DCC: variants seen among roughly 807,000 people sequenced by gnomAD.
DCC encodes the protein netrin receptor DCC.
Under a neutral mutation model 172.5 loss-of-function variants are expected in DCC, and 58 were observed. The observed-to-expected ratio is 0.34, with a 90% CI of 0.27 to 0.42. The LOEUF (loss-of-function observed/expected upper bound fraction) is 0.42. Among genes scored for constraint, DCC ranks in the 10% least tolerant of loss-of-function variants. The pLI is 1.00. For synonymous variants in DCC, 709 were observed against 644.5 expected, an observed-to-expected ratio of 1.10 and a Z score of -1.52; for missense variants, 1,740 against 1,791.0, an observed-to-expected ratio of 0.97 and a Z score of 0.51.
intron 3 of DCC, among the ~76,000 whole-genome samples, chr18:52,921,705 AAATAATAAT>A (rs71175538): frequency 1.6e-4 from 23 of 146,902 alleles, no homozygotes; most frequent in South Asian, 1.1e-3. Context: ...TCAAAAATAA[AAATAATAAT>A]AATAATAATA....
intron 1 of DCC, among the ~76,000 whole-genome samples, chr18:52,681,682 AG>A (rs2035752537): frequency 6.6e-6 from 1 of 152,052 alleles, no homozygotes; most frequent in Admixed American, 6.6e-5. Context: ...CTGGTAGGAG[AG>A]GGGCTTACTG....
chr18:52,351,298 T>C (rs1028782167), intron 1 of DCC, among the ~76,000 whole-genome samples: 2 of 152,218 alleles, frequency 1.3e-5, no homozygotes, highest in African/African-American at 2.4e-5. Context: ...GGATTCTCTC[T>C]CTCCAGTAGT....
rs547430933 is a variant in DCC at position 52,875,025 on chromosome 18, T to C, written c.413-31019T>C. ...TTGGGATGACTAAGGCAGAGGAATA[T>C]TGCCTTCTGGGGTGTTTGGGCCAGA... is the stretch of plus-strand genomic sequence containing the variant. On this transcript the variant is annotated intron_variant, in intron 2 of 28. Transcript: ENST00000442544. Among the ~76,000 whole-genome samples the C allele has an allele frequency of 1.2e-4, 19 of 152,228 alleles. No homozygotes were observed. In the South Asian group the frequency reaches 3.7e-3, roughly 30 times the overall value.
At chr18:53,073,167 AAG>A (rs1157925434) in intron 7 of DCC, among the ~76,000 whole-genome samples, 4 of 152,240 alleles carry the variant, frequency 2.6e-5, no homozygotes, top group African/African-American at 9.6e-5. Flanking sequence ...AAAATAGAAA[AAG>A]AGATAAATTT....
intron 1 of DCC, among the ~76,000 whole-genome samples, chr18:52,653,312 A>G (rs1188799154): frequency 6.6e-6 from 1 of 152,176 alleles, no homozygotes; most frequent in Non-Finnish European, 1.5e-5. Context: ...TAATTCACTC[A>G]TATTTTTGCT....
intron 7 of DCC, among the ~76,000 whole-genome samples, chr18:53,139,758 C>G (rs983300046): frequency 4.6e-5 from 7 of 152,130 alleles, no homozygotes; most frequent in Non-Finnish European, 1.0e-4. Flanking sequence ...GCTCTGGAAT[C>G]TACACTTAAC....
intron 7 of DCC, among the ~76,000 whole-genome samples, 187 bp downstream of exon 7, chr18:53,066,353 G>GTATATATATATA (rs10526030): frequency 3.1e-4 from 29 of 94,590 alleles, no homozygotes; most frequent in Non-Finnish European, 5.8e-4. Flanking sequence ...GTACATGTGT[G>GTATATATATATA]TATATATATA....
chr18:53,527,191 T>C (rs1167566300), intron 28 of DCC, among the ~76,000 whole-genome samples: 2 of 133,876 alleles, frequency 1.5e-5, no homozygotes, highest in Non-Finnish European at 3.2e-5. Context: ...TAAGACTATA[T>C]AACTCTTCTT....
chr18:52,985,212 T>C (rs1281313394), intron 5 of DCC, among the ~76,000 whole-genome samples: 1 of 152,136 alleles, frequency 6.6e-6, no homozygotes, highest in Non-Finnish European at 1.5e-5. Flanking sequence ...TCCTCCATGC[T>C]TGGGTTTCCT....
rs944765598 is a variant in DCC at position 52,901,983 on chromosome 18, A to T, written c.413-4061A>T. Among the ~76,000 whole-genome samples, 3 of 152,318 alleles carry T rather than the reference A, an allele frequency of 2.0e-5. No homozygotes were observed. The South Asian group carries it at 6.2e-4, about 32-fold the overall frequency. ...GGAGTGATGATTTCCAGTAAGTACGACTAGGAAAAAGGGAGAGATTTTTGA... is the reference window on the plus strand; with the variant it reads ...GGAGTGATGATTTCCAGTAAGTACGTCTAGGAAAAAGGGAGAGATTTTTGA... On this transcript the variant is annotated intron_variant, in intron 2 of 28. Coordinates refer to ENST00000442544, the MANE Select transcript of DCC (RefSeq NM_005215.4).
At chr18:53,362,303 A>G (rs1319642013) in intron 15 of DCC, among the ~76,000 whole-genome samples, 3 of 152,200 alleles carry the variant, frequency 2.0e-5, no homozygotes, top group African/African-American at 7.2e-5. Context: ...AATATTTGGT[A>G]ATGAGTGACA....
intron 1 of DCC, among the ~76,000 whole-genome samples, chr18:52,377,155 C>G (rs944953380): frequency 3.3e-5 from 5 of 152,114 alleles, no homozygotes; most frequent in Non-Finnish European, 7.4e-5. Flanking sequence ...AGCTTTTTTT[C>G]TTCTCTAATT....
chr18:52,883,834 A>T (rs1210294840), intron 2 of DCC, among the ~76,000 whole-genome samples: 1 of 151,552 alleles, frequency 6.6e-6, no homozygotes, highest in African/African-American at 2.4e-5. Flanking sequence ...GCTTATTAAC[A>T]TCTTTTTCTT....
intron 9 of DCC, among the ~76,000 whole-genome samples, chr18:53,189,938 T>A (rs1301854536): frequency 6.6e-6 from 1 of 152,214 alleles, no homozygotes; most frequent in Non-Finnish European, 1.5e-5. Flanking sequence ...TATTTTATTT[T>A]ATTTTGAGAC....
chr18:52,348,187 T>C (rs989838206), intron 1 of DCC, among the ~76,000 whole-genome samples: 4 of 152,222 alleles, frequency 2.6e-5, no homozygotes, highest in African/African-American at 9.6e-5. Context: ...TGGTGTATAA[T>C]ACTTCATGAT....
intron 1 of DCC, among the ~76,000 whole-genome samples, chr18:52,367,251 G>T (rs1428410962): frequency 6.6e-6 from 1 of 152,228 alleles, no homozygotes; most frequent in Admixed American, 6.5e-5. Flanking sequence ...GCCCGCAAGT[G>T]CCGCACGCAG....
chr18:52,497,850 C>T (rs2144619692), intron 1 of DCC, among the ~76,000 whole-genome samples: 1 of 152,270 alleles, frequency 6.6e-6, no homozygotes, highest in Admixed American at 6.5e-5. Flanking sequence ...TGCATTGTAA[C>T]AAGATCTCCA....
At chr18:52,748,829 G>T (rs886685694) in intron 1 of DCC, among the ~76,000 whole-genome samples, 87 of 152,310 alleles carry the variant, frequency 5.7e-4, no homozygotes, top group Non-Finnish European at 2.9e-5. Flanking sequence ...TGAGTCTGGA[G>T]TTTTTATAGG....
intron 7 of DCC, among the ~76,000 whole-genome samples, chr18:53,099,033 A>C (rs2043126057): frequency 6.6e-6 from 1 of 152,006 alleles, no homozygotes; most frequent in African/African-American, 2.4e-5. Flanking sequence ...TAGTAATAGT[A>C]ATTTGTATTC....
Sources: gnomAD v4.1 joint callset for allele counts (sites outside exome capture counted in the v4.1 genomes callset) on GRCh38, gnomAD v4.1.1 for gene constraint, MANE v1.5 for transcripts, NCBI Gene and HGNC (gene_info 2026-07-23, HGNC 2026-07-21) for gene names.